Variants in LETM2 observed in about 807,000 individuals in gnomAD.
LETM2 encodes the protein LETM1 domain-containing protein LETM2, mitochondrial.
LETM2 carries 58 observed loss-of-function variants against 59.6 expected under a neutral mutation model. The observed-to-expected ratio is 0.97, with a 90% CI of 0.79 to 1.21. The LOEUF is 1.21. Among genes scored for constraint, LETM2 ranks in the 50% most tolerant of loss-of-function variants. LETM2 has a pLI of 0.00. For synonymous variants in LETM2, 199 were observed against 214.1 expected, an observed-to-expected ratio of 0.93 and a Z score of 0.62; for missense variants, 572 against 575.7, an observed-to-expected ratio of 0.99 and a Z score of 0.07.
At chr8:38,387,105 G>C (rs1387596368) in intron 1 of LETM2, 2 of 152,266 alleles carry the variant, frequency 1.3e-5, no homozygotes, top group Admixed American at 6.5e-5. Context: ...TCCGCCGCCC[G>C]GGAGCGCCCG....
chr8:38,383,547 T>A (rs562222574), upstream of LETM2: 1 of 152,288 alleles, frequency 6.6e-6, no homozygotes, highest in East Asian at 1.9e-4. Flanking sequence ...TTAAGGAAAT[T>A]AAATGATTTC....
At chr8:38,400,703 A>G (rs1813128839) in intron 5 of LETM2, 150 bp from the exon 6 acceptor site, 1 of 751,056 alleles carries the variant, frequency 1.3e-6, no homozygotes, top group Non-Finnish European at 2.2e-6. Context: ...TTGACTTCAG[A>G]TGGATATCTT....
intron 6 of LETM2, 134 bp downstream of exon 6, chr8:38,401,187 G>A (rs1813191619): frequency 5.6e-6 from 4 of 713,240 alleles, no homozygotes; most frequent in Admixed American, 5.3e-5. Flanking sequence ...TGTCACCCAG[G>A]CTGCAGTGGC....
intron 4 of LETM2, among the ~76,000 whole-genome samples, chr8:38,397,721 T>C (rs1812803747): frequency 6.6e-6 from 1 of 152,084 alleles, no homozygotes. Context: ...TAGATCTATG[T>C]TTTGGAGGAA....
At chr8:38,403,000 C>T (rs1190687938) in intron 7 of LETM2, among the ~76,000 whole-genome samples, 1 of 151,916 alleles carries the variant, frequency 6.6e-6, no homozygotes, top group East Asian at 1.9e-4. Flanking sequence ...TTGCAGCTGT[C>T]GGACTGAGGT....
Position 38,396,707 on chromosome 8 carries a change from C to A in LETM2, c.645+2466C>A, listed in dbSNP as rs181399149. Reference sequence around the variant, plus strand: ...ATTGTTTAAGCCCACGAGTTCAAGACCAGCCAGAGCAATATAGTGAGACCC... The same window carrying A: ...ATTGTTTAAGCCCACGAGTTCAAGAACAGCCAGAGCAATATAGTGAGACCC... On this transcript the variant is annotated intron_variant, in intron 4 of 10. Transcript: ENST00000379957. Among the ~76,000 whole-genome samples the A allele has an allele frequency of 9.2e-5, 14 of 151,980 alleles. No individual in the cohort carries two copies. In the East Asian group the frequency reaches 2.7e-3, roughly 29 times the overall value.
chr8:38,407,676 A>G (rs1813842142), intron 10 of LETM2, among the ~76,000 whole-genome samples: 1 of 152,254 alleles, frequency 6.6e-6, no homozygotes, highest in Admixed American at 6.5e-5. Context: ...TCAGACTAAA[A>G]CATGCAAAGT....
At chr8:38,390,577 G>A (rs1347858463) in intron 2 of LETM2, among the ~76,000 whole-genome samples, 7 of 132,060 alleles carry the variant, frequency 5.3e-5, no homozygotes, top group Non-Finnish European at 7.9e-5. Flanking sequence ...AGTCAAGATC[G>A]CGTCACTGCA....
At chr8:38,388,149 C>T (rs1811925761) in intron 2 of LETM2, 119 bp downstream of exon 2, 5 of 678,224 alleles carry the variant, frequency 7.4e-6, no homozygotes, top group East Asian at 5.6e-5. Flanking sequence ...GGTGCAATCT[C>T]GGCTCACTGC....
At chr8:38,403,248 G>C (rs547585658) in intron 7 of LETM2, among the ~76,000 whole-genome samples, 1 of 152,212 alleles carries the variant, frequency 6.6e-6, no homozygotes, top group Non-Finnish European at 1.5e-5. Context: ...ACCGACTTGG[G>C]ACTTCAGTTA....
chr8:38,390,623 G>GAAAAAAA, intron 2 of LETM2, among the ~76,000 whole-genome samples: 1 of 44,854 alleles, frequency 2.2e-5, no homozygotes, highest in Non-Finnish European at 4.3e-5. Context: ...CTCTGTCTCA[G>GAAAAAAA]AAAAAAAAAA....
chr8:38,384,847 G>T (rs947306496), upstream of LETM2, among the ~76,000 whole-genome samples: 1 of 152,218 alleles, frequency 6.6e-6, no homozygotes, highest in African/African-American at 2.4e-5. Context: ...GGTTGTAAGT[G>T]AATACAATGC....
At chr8:38,395,395 G>A (rs923698377) in intron 4 of LETM2, among the ~76,000 whole-genome samples, 3 of 152,222 alleles carry the variant, frequency 2.0e-5, no homozygotes, top group South Asian at 2.1e-4. Context: ...CATTAGCCAC[G>A]AAACAGGTGT....
intron 2 of LETM2, among the ~76,000 whole-genome samples, chr8:38,391,190 A>AC (rs1233612229): frequency 2.1e-5 from 3 of 142,524 alleles, no homozygotes; most frequent in Admixed American, 7.1e-5. Context: ...TCAAAAAAAA[A>AC]AAAAAAAACA....
At chr8:38,391,457 C>T (rs911939591) in intron 2 of LETM2, among the ~76,000 whole-genome samples, 6 of 151,352 alleles carry the variant, frequency 4.0e-5, no homozygotes, top group African/African-American at 1.5e-4. Context: ...CACGTGCCAC[C>T]ACGCCCAGCT....
chr8:38,385,924 A>G (rs903209472), upstream of LETM2, among the ~76,000 whole-genome samples: 9 of 152,282 alleles, frequency 5.9e-5, no homozygotes, highest in Admixed American at 1.3e-4. Flanking sequence ...CACAAACAAC[A>G]CTTGTTAAGG....
At position 38,400,917 on chromosome 8, in the gene LETM2, A is replaced by G. The variant is rs1472419640; in HGVS notation, c.848A>G (p.Gln283Arg). 1.9e-6 allele frequency: 3 copies of G among 1,614,246 alleles called. No individual in the cohort carries two copies. Among genetic ancestry groups the G allele is most frequent in the Non-Finnish European group, 2.5e-6 (3 of 1,180,042 alleles). The change falls in exon 6 of 11, where the codon CAG (glutamine) becomes CGG (arginine). Residue 283 changes from glutamine (Q) to arginine (R), a missense_variant. Physicochemically the swap from Gln to Arg is conservative, Grantham distance 43. Coordinates refer to ENST00000379957, the MANE Select transcript of LETM2 (RefSeq NM_001286819.2). ...CGCTTCTCCAAACTATTTGAGGACC[A>G]GCTGGCCCTGGAACACTTAGATCGC... is the stretch of plus-strand genomic sequence containing the variant. ...IVRFSKLFEDQLALEHLDRPQ... is the reference protein window; with the variant it reads ...IVRFSKLFEDRLALEHLDRPQ...
chr8:38,399,117 G>A (rs1812944731), intron 4 of LETM2, among the ~76,000 whole-genome samples: 2 of 151,434 alleles, frequency 1.3e-5, no homozygotes, highest in Non-Finnish European at 2.9e-5. Flanking sequence ...ATGATTGGCT[G>A]ATCATTAGAA....
At chr8:38,393,643 A>AAAAC (rs377344058) in intron 3 of LETM2, 1 of 153,082 alleles carries the variant, frequency 6.5e-6, no homozygotes, top group African/African-American at 2.4e-5. Context: ...CCATCTCAAA[A>AAAAC]AAACAAACAA....
Sources: allele counts gnomAD v4.1 joint callset (sites outside exome capture counted in the v4.1 genomes callset), GRCh38; gene constraint gnomAD v4.1.1; transcripts MANE v1.5; gene names NCBI Gene and HGNC (gene_info 2026-07-23, HGNC 2026-07-21).